Variants in CCDC12 observed in about 807,000 individuals in gnomAD.
The protein encoded by CCDC12 is coiled-coil domain-containing protein 12.
Under a neutral mutation model 25.7 loss-of-function variants are expected in CCDC12, and 28 were observed. The observed-to-expected ratio is 1.09, with a 90% confidence interval of 0.81 to 1.50. The LOEUF (loss-of-function observed/expected upper bound fraction) is 1.50, where lower values mean the gene tolerates loss of function less well. Ranked by LOEUF, CCDC12 falls within the 40% of genes most tolerant of loss-of-function variation. CCDC12 has a pLI of 0.00. For missense variants in CCDC12, 198 were observed against 210.0 expected (o/e 0.94, Z 0.35); for synonymous variants, 75 against 87.7 (o/e 0.86, Z 0.81).
chr3:46,921,974 A>C lies in CCDC12; in HGVS notation c.*83T>G. On this transcript the variant is annotated 3_prime_UTR_variant, in exon 7 of 7. Coordinates refer to ENST00000683445, the MANE Select transcript of CCDC12 (RefSeq NM_001277074.2). ...CTGCTCAGAAGCCAAACTGGAGGTG[A>C]TGGCAAGCCTAGCCCCCATCCCTGC... 6.9e-7 allele frequency: 1 copy of C among 1,458,676 alleles called. No homozygotes were observed. The highest frequency in any genetic ancestry group is 9.5e-7 in the Non-Finnish European group (1 of 1,051,742). The allele number at this position is 1,458,676 out of a possible 1,614,324, so 90.4% of individuals were successfully genotyped here.
chr3:46,929,515 C>T (rs2033115784), intron 2 of CCDC12, among the ~76,000 whole-genome samples: 2 of 152,082 alleles, frequency 1.3e-5, no homozygotes, highest in Admixed American at 6.5e-5. Context: ...TGTCAGCTGG[C>T]CAGGAAATAC....
intron 3 of CCDC12, 72 bp from the exon 4 acceptor site, chr3:46,923,740 TG>T: frequency 1.5e-6 from 2 of 1,304,592 alleles, no homozygotes; most frequent in Non-Finnish European, 2.0e-6. Flanking sequence ...CTGCCTACCG[TG>T]GCCCCCAGGG....
chr3:46,969,249 CAG>C (rs2034728169), intron 1 of CCDC12, among the ~76,000 whole-genome samples: 1 of 152,192 alleles, frequency 6.6e-6, no homozygotes, highest in South Asian at 2.1e-4. Context: ...ACTCCCAAGT[CAG>C]AGAGTACTAG....
chr3:46,941,161 G>A, intron 1 of CCDC12, 96 bp from the exon 2 acceptor site: 1 of 1,194,606 alleles, frequency 8.4e-7, no homozygotes, highest in South Asian at 1.2e-5. Context: ...TCTCAGAAGG[G>A]GGGCACCTGG....
At position 46,926,253 on chromosome 3, in the gene CCDC12, G is replaced by A. The variant is rs113357742; in HGVS notation, c.165-718C>T. 7.2e-3 allele frequency among the ~76,000 whole-genome samples: 1,093 copies of A among 152,256 alleles called. 14 individuals are homozygous for A. The highest frequency in any genetic ancestry group is 0.025 in the African/African-American group (1,042 of 41,544). ...GTGGCGCCTGGGCCTGCAATGACGC[G>A]GACAGGGTCAAGGCACAAAGCACAC... On this transcript the variant is annotated intron_variant, in intron 2 of 6. Transcript: ENST00000683445.
At chr3:46,945,698 T>C (rs774290744) in intron 1 of CCDC12, among the ~76,000 whole-genome samples, 15 of 152,254 alleles carry the variant, frequency 9.9e-5, no homozygotes, top group Non-Finnish European at 2.1e-4. Flanking sequence ...TAGGACTGTA[T>C]AGATTTTCTA....
chr3:46,972,192 G>T (rs958235900), intron 1 of CCDC12, among the ~76,000 whole-genome samples: 5 of 152,182 alleles, frequency 3.3e-5, no homozygotes, highest in African/African-American at 7.2e-5. Context: ...CTATCCACCA[G>T]GTGCGGTGGT....
At chr3:46,937,602 G>C (rs1432899312) in intron 2 of CCDC12, among the ~76,000 whole-genome samples, 2 of 152,210 alleles carry the variant, frequency 1.3e-5, no homozygotes, top group Admixed American at 1.3e-4. Flanking sequence ...CTGTAGCAGG[G>C]GCTATGGCCT....
At chr3:46,934,236 T>A (rs1432208571) in intron 2 of CCDC12, among the ~76,000 whole-genome samples, 1 of 152,236 alleles carries the variant, frequency 6.6e-6, no homozygotes, top group Non-Finnish European at 1.5e-5. Context: ...CATAGCCCAC[T>A]GCCCCTCACC....
At chr3:46,962,778 C>A (rs571914032) in intron 1 of CCDC12, among the ~76,000 whole-genome samples, 220 of 152,304 alleles carry the variant, frequency 1.4e-3, no homozygotes, top group Non-Finnish European at 2.7e-3. Flanking sequence ...GGTCAGAGTG[C>A]AAAATAGTAG....
At chr3:46,944,337 C>T (rs1382325827) in intron 1 of CCDC12, among the ~76,000 whole-genome samples, 1 of 151,992 alleles carries the variant, frequency 6.6e-6, no homozygotes, top group Non-Finnish European at 1.5e-5. Context: ...TTCTAAAGAG[C>T]TCTGATTCTA....
chr3:46,960,697 C>G (rs1334274060), intron 1 of CCDC12, among the ~76,000 whole-genome samples: 1 of 152,186 alleles, frequency 6.6e-6, no homozygotes. Context: ...AGCCAGGGCC[C>G]CAGAATTTAA....
At chr3:46,979,180 C>T (rs910318799), upstream of CCDC12, among the ~76,000 whole-genome samples, 5 of 152,196 alleles carry the variant, frequency 3.3e-5, no homozygotes, top group Non-Finnish European at 7.3e-5. Flanking sequence ...GAGGGCACCG[C>T]GGCCCCGAAG....
At chr3:46,953,063 T>C (rs2034177989) in intron 1 of CCDC12, among the ~76,000 whole-genome samples, 2 of 152,156 alleles carry the variant, frequency 1.3e-5, no homozygotes. Flanking sequence ...TCTGGTGTCA[T>C]TTCAGAGAGA....
At chr3:46,978,958 G>A (rs1025190402), upstream of CCDC12, among the ~76,000 whole-genome samples, 2 of 152,142 alleles carry the variant, frequency 1.3e-5, no homozygotes, top group East Asian at 1.9e-4. Context: ...ACTCCAGCCT[G>A]GGCGACAGAG....
At chr3:46,924,972 C>T (rs2107102723) in intron 3 of CCDC12, 1 of 313,824 alleles carries the variant, frequency 3.2e-6, no homozygotes, top group Non-Finnish European at 6.3e-6. Context: ...TGTTCCCACG[C>T]CATGGCAAGA....
intron 3 of CCDC12, among the ~76,000 whole-genome samples, chr3:46,924,467 C>A (rs757915983): frequency 9.2e-5 from 14 of 152,208 alleles, no homozygotes; most frequent in Non-Finnish European, 1.8e-4. Context: ...GGGAAGCAGA[C>A]CGGGATGTGG....
At chr3:46,978,982 CA>C (rs2035115804), upstream of CCDC12, among the ~76,000 whole-genome samples, 2 of 151,976 alleles carry the variant, frequency 1.3e-5, no homozygotes, top group Admixed American at 6.5e-5. Context: ...GACTCTGTCT[CA>C]AAAACAAACA....
intron 2 of CCDC12, among the ~76,000 whole-genome samples, chr3:46,928,294 G>C (rs188013761): frequency 6.6e-6 from 1 of 152,180 alleles, no homozygotes; most frequent in East Asian, 1.9e-4. Flanking sequence ...GAAGTACCAA[G>C]ACAGCAAGGA....
Sources: allele counts gnomAD v4.1 joint callset (sites outside exome capture counted in the v4.1 genomes callset), GRCh38; gene constraint gnomAD v4.1.1; transcripts MANE v1.5; gene names NCBI Gene and HGNC (gene_info 2026-07-23, HGNC 2026-07-21).